The following IGDCC3 variants were observed in gnomAD, a reference collection of about 807,000 sequenced individuals.
The protein encoded by IGDCC3 is immunoglobulin superfamily DCC subclass member 3, also known as putative neuronal cell adhesion molecule.
IGDCC3 carries 47 observed loss-of-function variants against 72.0 expected under a neutral mutation model. That is an observed-to-expected ratio of 0.65 (90% confidence interval 0.52 to 0.83). The LOEUF (loss-of-function observed/expected upper bound fraction) is 0.83, where lower values mean the gene tolerates loss of function less well. IGDCC3 is among the 40% of genes least tolerant of loss of function. The pLI is 0.00. For synonymous variants in IGDCC3, 477 were observed against 472.8 expected (o/e 1.01, Z -0.11); for missense variants, 1,038 against 1,091.3 (o/e 0.95, Z 0.69).
chr15:65,368,077 G>A (rs1255527859), intron 2 of IGDCC3, among the ~76,000 whole-genome samples: 1 of 151,962 alleles, frequency 6.6e-6, no homozygotes, highest in African/African-American at 2.4e-5. Flanking sequence ...TTCATCCTGG[G>A]TACTCTTCTG....
chr15:65,354,443 C>G (rs1272457740), intron 2 of IGDCC3, among the ~76,000 whole-genome samples: 2 of 152,198 alleles, frequency 1.3e-5, no homozygotes, highest in Non-Finnish European at 2.9e-5. Context: ...CCACCGCCTC[C>G]GTCTTCCATA....
At chr15:65,373,494 G>C (rs377759497) in intron 2 of IGDCC3, 1 of 152,392 alleles carries the variant, frequency 6.6e-6, no homozygotes, top group Admixed American at 6.5e-5. Context: ...CTTAAACCCA[G>C]CGAGAGGGCT....
At position 65,377,763 on chromosome 15, in the gene IGDCC3, G is replaced by A. The variant is rs1046937801; in HGVS notation, c.26C>T (p.Pro9Leu). 1.5e-6 allele frequency: 2 copies of A among 1,303,808 alleles called. No homozygotes were observed. Among genetic ancestry groups the A allele is most frequent in the South Asian group, 2.2e-5 (1 of 45,126 alleles). The allele number at this position is 1,303,808 out of a possible 1,614,324, so 80.8% of individuals were successfully genotyped here. A position where few individuals can be genotyped will look rare whatever the true frequency, so the allele number is the denominator to read the frequency against. ...CCAGAGCGGGGCGGGCGGGCGGCGC[G>A]GAGACGCGGCGCGCTGCACAGCCAT... The part of the protein sequence containing the change: MAVQRAAS[P>L]RRPPAPLWPR... The change falls in exon 1 of 14, where the codon CCG becomes CTG. Residue 9 changes from proline to leucine, a missense_variant. Physicochemically the swap from Pro to Leu is moderately conservative, Grantham distance 98. Coordinates refer to ENST00000327987, the MANE Select transcript of IGDCC3 (RefSeq NM_004884.4). This position sits in a 1 kb window ranked among gnomAD's most constrained non-coding sequence, Gnocchi z 4.9.
chr15:65,355,678 C>CCCCACAAA, intron 2 of IGDCC3: 1 of 299,226 alleles, frequency 3.3e-6, no homozygotes, highest in Non-Finnish European at 7.1e-6. Flanking sequence ...GCCCCTCCCG[C>CCCCACAAA]ATAGCAATAG....
intron 1 of IGDCC3, among the ~76,000 whole-genome samples, chr15:65,376,489 T>C (rs2091359402): frequency 6.6e-6 from 1 of 152,176 alleles, no homozygotes; most frequent in Non-Finnish European, 1.5e-5. Flanking sequence ...CTAGCGATCC[T>C]GGAGCTGGCC....
At chr15:65,354,854 T>A (rs77272698) in intron 2 of IGDCC3, among the ~76,000 whole-genome samples, 3,471 of 152,258 alleles carry the variant, frequency 0.023, 131 homozygotes, top group African/African-American at 0.079. Flanking sequence ...GGCCCCTGGC[T>A]CTCAAACTCG....
At position 65,349,293 on chromosome 15, in the gene IGDCC3, G is replaced by A. The variant is rs527280849; in HGVS notation, c.410-13337C>T. Among the ~76,000 whole-genome samples, 75 of 152,342 alleles carry A rather than the reference G, an allele frequency of 4.9e-4. 1 individual carries two copies. In the Middle Eastern group the frequency reaches 0.01, roughly 21 times the overall value. Reference sequence around the variant, plus strand: ...CTTTATGATGTGGCTTGGCCCCTGGGGCGATGGTGGCATAAGCCGAATCAG... The same window carrying A: ...CTTTATGATGTGGCTTGGCCCCTGGAGCGATGGTGGCATAAGCCGAATCAG... On this transcript the variant is annotated intron_variant, in intron 2 of 13. Coordinates refer to ENST00000327987, the MANE Select transcript of IGDCC3 (RefSeq NM_004884.4).
chr15:65,370,080 T>C (rs1040902176), intron 2 of IGDCC3, among the ~76,000 whole-genome samples: 1 of 152,064 alleles, frequency 6.6e-6, no homozygotes, highest in Non-Finnish European at 1.5e-5. Context: ...CTGGACTTTC[T>C]CTCCTCTCCC....
In IGDCC3 at chr15:65,334,348, A is replaced by C. The variant is rs181707341; in HGVS notation, c.823+380T>G. On this transcript the variant is annotated intron_variant, in intron 5 of 13. Coordinates refer to ENST00000327987, the MANE Select transcript of IGDCC3 (RefSeq NM_004884.4). ...TGGCTGGGATTTTTAGGGACTTGGG[A>C]CTGCACAGCTGAGGAACACGGCCAG... Among the ~76,000 whole-genome samples the C allele has an allele frequency of 1.1e-3, 163 of 151,950 alleles. 4 individuals are homozygous for C. The highest frequency in any genetic ancestry group is 7.6e-3 in the East Asian group (39 of 5,150).
chr15:65,377,682 T>C lies in IGDCC3; in HGVS notation c.103+4A>G. 2 of 1,437,000 alleles carry C rather than the reference T, an allele frequency of 1.4e-6. No individual in the cohort carries two copies. Among genetic ancestry groups the C allele is most frequent in the Non-Finnish European group, 9.1e-7 (1 of 1,099,756 alleles). 89.0% of individuals were successfully genotyped at this position (1,437,000 alleles called of 1,614,324 possible). A position where few individuals can be genotyped will look rare whatever the true frequency, so the allele number is the denominator to read the frequency against. On this transcript the variant is annotated splice_donor_region_variant and intron_variant, in intron 1 of 13. Coordinates refer to ENST00000327987, the MANE Select transcript of IGDCC3 (RefSeq NM_004884.4). This position sits in a 1 kb window ranked among gnomAD's most constrained non-coding sequence, Gnocchi z 4.9. ...ACCGCCCGGTCCGGGGCGCTTTCACTCACCCTCGCTCGGCGCGGGCAGCAG... is the reference window on the plus strand; with the variant it reads ...ACCGCCCGGTCCGGGGCGCTTTCACCCACCCTCGCTCGGCGCGGGCAGCAG...
Position 65,331,094 on chromosome 15 carries a change from G to A in IGDCC3, c.1517C>T (p.Ala506Val), listed in dbSNP as rs767625205. ...TAGGGTGGGCACAGAGGCTGAGCTG[G>A]CCCCCCTTGGTGTGTAGGCCTTGAT... ...FYIKAYTPRG[A>V]SSASVPTLAS... Residue 506 changes from alanine to valine, a missense_variant, in exon 9 of 14, where the codon GCC (alanine) becomes GTC (valine). Ala to Val is a moderately conservative substitution (Grantham distance 64). Coordinates refer to ENST00000327987, the MANE Select transcript of IGDCC3 (RefSeq NM_004884.4). 4 of 1,614,132 alleles carry A rather than the reference G, an allele frequency of 2.5e-6. No homozygotes were observed. The South Asian group carries it at 3.3e-5, about 13-fold the overall frequency.
chr15:65,377,546 C>T lies in IGDCC3; in HGVS notation c.103+140G>A. 1 of 863,644 alleles carries T rather than the reference C, an allele frequency of 1.2e-6. No homozygotes were observed. The highest frequency in any genetic ancestry group is 3.7e-5 in the East Asian group (1 of 26,818). The allele number at this position is 863,644 out of a possible 1,614,324, so 53.5% of individuals were successfully genotyped here. A position where few individuals can be genotyped will look rare whatever the true frequency, so the allele number is the denominator to read the frequency against. On this transcript the variant is annotated intron_variant, in intron 1 of 13. Transcript: ENST00000327987. The surrounding 1 kb of genome is among the most constrained non-coding windows in gnomAD (Gnocchi z 4.9). ...CTTGGTACCCTCTCCCCGTCCGGAT[C>T]CGCAGGGTCCCCCCCGCGCGGGGTC...
chr15:65,362,739 A>C (rs565671969), intron 2 of IGDCC3, among the ~76,000 whole-genome samples: 1 of 152,098 alleles, frequency 6.6e-6, no homozygotes, highest in Non-Finnish European at 1.5e-5. Flanking sequence ...CGTCAGTGCA[A>C]GACTGTCTGC....
At chr15:65,355,668 G>GCCCCCCC in intron 2 of IGDCC3, 2 of 112,988 alleles carry the variant, frequency 1.8e-5, no homozygotes, top group South Asian at 4.7e-5. Context: ...CCGCCCCCCC[G>GCCCCCCC]CCCCTCCCGC....
rs1351198376 is a variant in IGDCC3 at position 65,377,947 on chromosome 15, G to A, written c.-159C>T. 2 of 582,896 alleles carry A rather than the reference G, an allele frequency of 3.4e-6. No homozygotes were observed. Among genetic ancestry groups the A allele is most frequent in the Non-Finnish European group, 4.4e-6 (2 of 457,428 alleles). The allele number at this position is 582,896 out of a possible 1,614,324, so 36.1% of individuals were successfully genotyped here. A position where few individuals can be genotyped will look rare whatever the true frequency, so the allele number is the denominator to read the frequency against. On this transcript the variant is annotated 5_prime_UTR_variant, in exon 1 of 14. Transcript: ENST00000327987. This position sits in a 1 kb window ranked among gnomAD's most constrained non-coding sequence, Gnocchi z 4.9. ...GGCCGCATGCCTGCTCAGCAGCGCGGGGGGCGCAGGGGGAGCGCCGCTTGC... is the reference window on the plus strand; with the variant it reads ...GGCCGCATGCCTGCTCAGCAGCGCGAGGGGCGCAGGGGGAGCGCCGCTTGC...
rs1476218005 is a variant in IGDCC3 at position 65,329,304 on chromosome 15, C to A, written c.2205+86G>T. The stretch of plus-strand genomic sequence containing the variant: ...TTTGACTAAGGCCAATGATCGAGGC[C>A]CGTGGCCAAGGTGAAGGGGGGCAGG... On this transcript the variant is annotated intron_variant, in intron 13 of 13. Transcript: ENST00000327987. This position sits in a 1 kb window ranked among gnomAD's most constrained non-coding sequence, Gnocchi z 4.1. 2 of 1,486,740 alleles carry A rather than the reference C, an allele frequency of 1.3e-6. No homozygotes were observed. Among genetic ancestry groups the A allele is most frequent in the Non-Finnish European group, 1.8e-6 (2 of 1,101,646 alleles). The allele number at this position is 1,486,740 out of a possible 1,614,324, so 92.1% of individuals were successfully genotyped here.
intron 2 of IGDCC3, among the ~76,000 whole-genome samples, chr15:65,355,503 G>T (rs2140159599): frequency 6.7e-6 from 1 of 150,224 alleles, no homozygotes; most frequent in Admixed American, 6.6e-5. Context: ...GGGGCGGCGG[G>T]CGAGGGCGCG....
At position 65,377,652 on chromosome 15, in the gene IGDCC3, C is replaced by A; in HGVS notation, c.103+34G>T. On this transcript the variant is annotated intron_variant, in intron 1 of 13. Coordinates refer to ENST00000327987, the MANE Select transcript of IGDCC3 (RefSeq NM_004884.4). The surrounding 1 kb of genome is among the most constrained non-coding windows in gnomAD (Gnocchi z 4.9). ...CTGCTCGCCCTTCCCCTGGCTCCGT[C>A]CGCAACCGCCCGGTCCGGGGCGCTT... is the stretch of plus-strand genomic sequence containing the variant. 7.0e-7 allele frequency: 1 copy of A among 1,426,776 alleles called. No homozygotes were observed. The highest frequency in any genetic ancestry group is 2.6e-5 in the Admixed American group (1 of 38,344). The allele number at this position is 1,426,776 out of a possible 1,614,324, so 88.4% of individuals were successfully genotyped here.
At chr15:65,333,627 T>TGGTCAGGACAGG (rs2141034520) in intron 5 of IGDCC3, among the ~76,000 whole-genome samples, 1 of 152,328 alleles carries the variant, frequency 6.6e-6, no homozygotes, top group African/African-American at 2.4e-5. Flanking sequence ...GACCCTGTCC[T>TGGTCAGGACAGG]GACCCTAGCA....
Sources: allele counts gnomAD v4.1 joint callset (sites outside exome capture counted in the v4.1 genomes callset), GRCh38; gene constraint gnomAD v4.1.1; non-coding constraint Gnocchi (gnomAD v3.1); transcripts MANE v1.5; gene names NCBI Gene and HGNC (gene_info 2026-07-23, HGNC 2026-07-21).